The following RBFOX1 variants were observed in gnomAD, a reference collection of about 807,000 sequenced individuals.
RBFOX1 encodes the protein RNA binding protein fox-1 homolog 1.
Under a neutral mutation model 57.7 loss-of-function variants are expected in RBFOX1, and 8 were observed. That is an observed-to-expected ratio of 0.14 (90% confidence interval 0.08 to 0.25). The LOEUF (loss-of-function observed/expected upper bound fraction) is 0.25. Among genes scored for constraint, RBFOX1 ranks in the 10% least tolerant of loss-of-function variants. The pLI, the probability that RBFOX1 is intolerant of heterozygous loss-of-function variation, is 1.00. For synonymous variants in RBFOX1, 326 were observed against 222.4 expected (o/e 1.47, Z -4.15); for missense variants, 611 against 548.5 (o/e 1.11, Z -1.14).
intron 1 of RBFOX1, among the ~76,000 whole-genome samples, chr16:6,218,410 G>T (rs2097350315): frequency 1.3e-5 from 2 of 152,120 alleles, no homozygotes; most frequent in African/African-American, 4.8e-5. Context: ...CAGGGTTCAA[G>T]TGATTCTTGT....
At chr16:7,104,293 G>C (rs1288982541) in intron 4 of RBFOX1, among the ~76,000 whole-genome samples, 2 of 152,082 alleles carry the variant, frequency 1.3e-5, no homozygotes, top group African/African-American at 4.8e-5. Context: ...CTGGAATTGA[G>C]GATATAAGAC....
intron 3 of RBFOX1, among the ~76,000 whole-genome samples, chr16:6,895,457 T>TATATAC (rs2066620048): frequency 1.2e-5 from 1 of 81,736 alleles, no homozygotes; most frequent in Non-Finnish European, 2.4e-5. Flanking sequence ...TGTATATATA[T>TATATAC]ATATATATAT....
At chr16:6,266,606 C>G (rs1478220816) in intron 1 of RBFOX1, among the ~76,000 whole-genome samples, 4 of 151,836 alleles carry the variant, frequency 2.6e-5, no homozygotes, top group Non-Finnish European at 5.9e-5. Flanking sequence ...CCCAGCTACT[C>G]AGGGGGCTGA....
At chr16:5,439,031 A>T (rs1296371217) in intron 1 of RBFOX1, among the ~76,000 whole-genome samples, 1 of 71,714 alleles carries the variant, frequency 1.4e-5, no homozygotes, top group Admixed American at 1.4e-4. Flanking sequence ...GTAGAGAATA[A>T]TGGGGGGGGG....
At chr16:5,975,638 G>T (rs9930914) in intron 4 of RBFOX1, among the ~76,000 whole-genome samples, 61,364 of 151,850 alleles carry the variant, frequency 0.4, 12,483 homozygotes, top group Middle Eastern at 0.48. Flanking sequence ...ATCAGTTCTG[G>T]AGTAAAGGAT....
chr16:6,924,961 G>A (rs1227068350), intron 3 of RBFOX1, among the ~76,000 whole-genome samples: 2 of 150,878 alleles, frequency 1.3e-5, no homozygotes, highest in African/African-American at 2.4e-5. Flanking sequence ...CCTTGCGATA[G>A]TTTGCTGAGA....
chr16:6,963,132 C>G (rs1353613865), intron 3 of RBFOX1, among the ~76,000 whole-genome samples: 1 of 152,112 alleles, frequency 6.6e-6, no homozygotes, highest in East Asian at 1.9e-4. Flanking sequence ...GGGTGCAGGA[C>G]TCTTTGGGGT....
chr16:7,530,008 C>CAAAAAAAAAAAAAAAAAA (rs35251344), intron 5 of RBFOX1, among the ~76,000 whole-genome samples: 5 of 125,040 alleles, frequency 4.0e-5, no homozygotes, highest in East Asian at 2.7e-4. Flanking sequence ...GACTCCATCT[C>CAAAAAAAAAAAAAAAAAA]AAAAAAAAAA....
chr16:6,442,749 T>A (rs1283076001), intron 2 of RBFOX1, among the ~76,000 whole-genome samples: 1 of 152,170 alleles, frequency 6.6e-6, no homozygotes. Context: ...GGAAGTGCTT[T>A]GAAAGACAGC....
At chr16:5,557,123 G>T (rs976721656) in intron 2 of RBFOX1, among the ~76,000 whole-genome samples, 2 of 151,946 alleles carry the variant, frequency 1.3e-5, no homozygotes, top group African/African-American at 4.8e-5. Flanking sequence ...AGCTGGGCGT[G>T]GTGGCAGGCA....
intron 1 of RBFOX1, among the ~76,000 whole-genome samples, chr16:6,075,232 G>A (rs982138280): frequency 6.6e-6 from 1 of 152,194 alleles, no homozygotes; most frequent in Non-Finnish European, 1.5e-5. Context: ...ACTTTGCAAT[G>A]CCATTACCGA....
At chr16:6,440,111 A>ATT (rs1227625164) in intron 2 of RBFOX1, among the ~76,000 whole-genome samples, 6 of 151,658 alleles carry the variant, frequency 4.0e-5, no homozygotes, top group Admixed American at 2.0e-4. Context: ...TAATTTTTGT[A>ATT]TTTTTAGTAG....
chr16:5,713,346 A>T (rs898709925), intron 3 of RBFOX1, among the ~76,000 whole-genome samples: 2 of 152,196 alleles, frequency 1.3e-5, no homozygotes, highest in Admixed American at 1.3e-4. Flanking sequence ...GGACTTAAGT[A>T]CAGGAATGAG....
intron 2 of RBFOX1, among the ~76,000 whole-genome samples, chr16:6,514,945 A>G (rs55765250): frequency 0.084 from 12,788 of 152,110 alleles, 628 homozygotes; most frequent in Middle Eastern, 0.13. Context: ...AAGGAGGAAG[A>G]GAAGGAGTTG....
intron 1 of RBFOX1, among the ~76,000 whole-genome samples, chr16:6,279,998 A>G (rs568164416): frequency 6.6e-6 from 1 of 152,268 alleles, no homozygotes; most frequent in African/African-American, 2.4e-5. Flanking sequence ...GACTGGGGAC[A>G]TTACAGAAGC....
At chr16:6,754,170 T>G (rs1029222812) in intron 3 of RBFOX1, among the ~76,000 whole-genome samples, 1 of 152,186 alleles carries the variant, frequency 6.6e-6, no homozygotes, top group Non-Finnish European at 1.5e-5. Context: ...ACAAATTGAT[T>G]GCAAAACTCA....
At chr16:7,688,869 G>C (rs1445233785) in intron 14 of RBFOX1, among the ~76,000 whole-genome samples, 1 of 151,932 alleles carries the variant, frequency 6.6e-6, no homozygotes, top group Non-Finnish European at 1.5e-5. Flanking sequence ...ATTTCTTAGA[G>C]GAAATGAAGA....
chr16:5,433,362 G>A (rs888820386), intron 1 of RBFOX1, among the ~76,000 whole-genome samples: 2 of 152,212 alleles, frequency 1.3e-5, no homozygotes, highest in Non-Finnish European at 2.9e-5. Context: ...TTTCGCTCCT[G>A]GCTGGGGGTG....
chr16:5,552,911 G>T (rs943218746), intron 2 of RBFOX1, among the ~76,000 whole-genome samples: 6 of 152,102 alleles, frequency 3.9e-5, no homozygotes, highest in African/African-American at 1.4e-4. Flanking sequence ...ACAGCTTGGG[G>T]CAAGAATTCA....
Sources: gnomAD v4.1 joint callset for allele counts (sites outside exome capture counted in the v4.1 genomes callset) on GRCh38, gnomAD v4.1.1 for gene constraint, MANE v1.5 for transcripts, NCBI Gene and HGNC (gene_info 2026-07-23, HGNC 2026-07-21) for gene names.